Variants in CORO7 observed in about 807,000 individuals in gnomAD.
CORO7 encodes the protein coronin 7, also known as coronin-7.
In CORO7, 107 loss-of-function variants were observed where a neutral mutation model predicts 126.6. The observed-to-expected ratio is 0.85, with a 90% CI of 0.72 to 0.99. The LOEUF (loss-of-function observed/expected upper bound fraction) is 0.99. Among genes scored for constraint, CORO7 ranks in the 50% least tolerant of loss-of-function variants. The pLI is 0.00. For missense variants in CORO7, 1,314 were observed against 1,255.8 expected (o/e 1.05, Z -0.70); for synonymous variants, 603 against 536.8 (o/e 1.12, Z -1.70).
Position 4,364,334 on chromosome 16 carries a change from AG to A in CORO7, c.1216del (p.Leu406SerfsTer9). 1 of 1,536,502 alleles carries A rather than the reference AG, an allele frequency of 6.5e-7. No homozygotes were observed. The highest frequency in any genetic ancestry group is 1.3e-5 in the South Asian group (1 of 78,058). On this transcript the variant is annotated frameshift_variant, in exon 14 of 28. Coordinates refer to ENST00000251166, the MANE Select transcript of CORO7 (RefSeq NM_024535.5). LOFTEE classifies it high-confidence loss of function. ...TSCLVPPAEP[L>X]PDTAQPAVME... Reference sequence around the variant, plus strand: ...CACCGCAGGCTGGGCTGTGTCAGGGAGGGGCTCCGCAGGGGGCACCAGACAG... The same window carrying A: ...CACCGCAGGCTGGGCTGTGTCAGGGAGGGCTCCGCAGGGGGCACCAGACAG...
At chr16:4,405,367 T>A (rs1443154372) in intron 6 of CORO7, 124 bp downstream of exon 6, 1 of 1,076,940 alleles carries the variant, frequency 9.3e-7, no homozygotes, top group Non-Finnish European at 1.3e-6. Context: ...GGCACACAGA[T>A]GACCATCCTG....
intron 1 of CORO7, chr16:4,414,493 C>G (rs190568498): frequency 6.6e-6 from 1 of 152,384 alleles, no homozygotes; most frequent in Non-Finnish European, 1.5e-5. Flanking sequence ...ACCCATAGCA[C>G]CCCGGAAACC....
intron 9 of CORO7, chr16:4,382,089 C>T: frequency 6.3e-7 from 1 of 1,585,272 alleles, no homozygotes; most frequent in Middle Eastern, 1.7e-4. Flanking sequence ...GGCCTGTCCC[C>T]CAGCCCCAGG....
intron 9 of CORO7, among the ~76,000 whole-genome samples, chr16:4,386,284 C>A (rs149148869): frequency 6.6e-6 from 1 of 152,316 alleles, no homozygotes; most frequent in South Asian, 2.1e-4. Context: ...CCAGTGGCAC[C>A]GTGAGGTCTG....
chr16:4,364,377 G>T lies in CORO7; in HGVS notation c.1174C>A (p.His392Asn). Residue 392 changes from histidine (H) to asparagine (N), a missense_variant, in exon 14 of 28, where the codon CAC becomes AAC. Physicochemically the swap from His to Asn is moderately conservative, Grantham distance 68 (BLOSUM62 1). Coordinates refer to ENST00000251166, the MANE Select transcript of CORO7 (RefSeq NM_024535.5). ...ACCAGACAGGAAGTGAAGCTCGGGT[G>T]GGGCCGGCAGGCGGGGTTGAGGCTG... is the stretch of plus-strand genomic sequence containing the variant. The part of the protein sequence containing the change: ...KVSLNPACRP[H>N]PSFTSCLVPP... The T allele has an allele frequency of 6.6e-7, 1 of 1,516,038 alleles. No homozygotes were observed. The highest frequency in any genetic ancestry group is 2.3e-5 in the East Asian group (1 of 43,792). The allele number at this position is 1,516,038 out of a possible 1,614,324, so 93.9% of individuals were successfully genotyped here. A position where few individuals can be genotyped will look rare whatever the true frequency, so the allele number is the denominator to read the frequency against.
rs528458219 is a variant in CORO7, at chr16:4,365,664, C to T, written c.786-119G>A. 835 of 1,350,742 alleles carry T rather than the reference C, an allele frequency of 6.2e-4. 20 individuals are homozygous for T. In the South Asian group the frequency reaches 0.011, roughly 17 times the overall value. The allele number at this position is 1,350,742 out of a possible 1,614,324, so 83.7% of individuals were successfully genotyped here. On this transcript the variant is annotated intron_variant, in intron 9 of 27. Transcript: ENST00000251166. ...ACTGGGAGCCGCTTGGCCATCCAGCCATGTTCAGCCTGGTCCCCAGGAACC... is the reference window on the plus strand; with the variant it reads ...ACTGGGAGCCGCTTGGCCATCCAGCTATGTTCAGCCTGGTCCCCAGGAACC...
chr16:4,411,741 G>A (rs2056218343), intron 3 of CORO7, among the ~76,000 whole-genome samples: 1 of 151,992 alleles, frequency 6.6e-6, no homozygotes, highest in African/African-American at 2.4e-5. Context: ...CAAACAAGCA[G>A]CCAGAAATGC....
rs191166147 is a variant in CORO7 at position 4,377,958 on chromosome 16, C to T, written c.785+10028G>A. Among the ~76,000 whole-genome samples the T allele has an allele frequency of 7.7e-3, 1,169 of 152,290 alleles. 40 individuals are homozygous for T. The highest frequency in any genetic ancestry group is 0.072 in the Admixed American group (1,103 of 15,294). ...ATTCCACAGCTCACTACCTGTCAGC[C>T]GGAAAGCCACCCTGTGGCCAGATGG... On this transcript the variant is annotated intron_variant, in intron 9 of 27. Transcript: ENST00000251166.
chr16:4,410,491 A>G (rs544870859), intron 3 of CORO7, among the ~76,000 whole-genome samples: 14 of 152,308 alleles, frequency 9.2e-5, no homozygotes, highest in Non-Finnish European at 1.9e-4. Flanking sequence ...CTGCCATAAC[A>G]ATGGGTAAGT....
chr16:4,357,133 G>C (rs746319346), intron 26 of CORO7, 35 bp downstream of exon 26: 1 of 1,612,560 alleles, frequency 6.2e-7, no homozygotes, highest in South Asian at 1.1e-5. Flanking sequence ...CCAGGACTCT[G>C]TCACCTCCGC....
At chr16:4,411,079 C>T (rs1355320123) in intron 3 of CORO7, among the ~76,000 whole-genome samples, 3 of 152,136 alleles carry the variant, frequency 2.0e-5, no homozygotes, top group African/African-American at 4.8e-5. Context: ...GCACATGACT[C>T]GGTCACTTTA....
intron 6 of CORO7, among the ~76,000 whole-genome samples, chr16:4,402,143 T>C (rs1342020658): frequency 1.3e-5 from 2 of 152,120 alleles, no homozygotes; most frequent in African/African-American, 4.8e-5. Flanking sequence ...TTCACTATGT[T>C]GGCCAGGCTG....
Position 4,380,368 on chromosome 16 carries a change from C to T in CORO7, c.785+7618G>A, listed in dbSNP as rs560726415. On this transcript the variant is annotated intron_variant, in intron 9 of 27. Transcript: ENST00000251166. The stretch of plus-strand genomic sequence containing the variant: ...CCATAGTTTCCATGTGAAGTCTTCC[C>T]GCTGCATTCCCTCCTCCAAGGAGGG... Among the ~76,000 whole-genome samples the T allele has an allele frequency of 7.2e-5, 11 of 152,338 alleles. No individual in the cohort carries two copies. In the East Asian group the frequency reaches 1.3e-3, roughly 19 times the overall value.
In CORO7 at chr16:4,387,985, C is replaced by T. The variant is rs1409866371; in HGVS notation, c.785+1G>A. On this transcript the variant is annotated splice_donor_variant, in intron 9 of 27. Coordinates refer to ENST00000251166, the MANE Select transcript of CORO7 (RefSeq NM_024535.5). LOFTEE classifies it high-confidence loss of function. ...GCCCACCTGCGTGCCGCAGCTCCTACCCAAGCGAGGTGTCCAAGGTGAGGG... is the reference window on the plus strand; with the variant it reads ...GCCCACCTGCGTGCCGCAGCTCCTATCCAAGCGAGGTGTCCAAGGTGAGGG... 1 of 1,612,960 alleles carries T rather than the reference C, an allele frequency of 6.2e-7. No homozygotes were observed. The highest frequency in any genetic ancestry group is 8.5e-7 in the Non-Finnish European group (1 of 1,179,842).
intron 7 of CORO7, among the ~76,000 whole-genome samples, chr16:4,393,055 G>T (rs772393929): frequency 6.6e-6 from 1 of 152,254 alleles, no homozygotes; most frequent in Non-Finnish European, 1.5e-5. Flanking sequence ...GCTGGAAGAG[G>T]AGGGGAGAGG....
At chr16:4,390,008 T>C (rs1267392694) in intron 7 of CORO7, among the ~76,000 whole-genome samples, 1 of 152,190 alleles carries the variant, frequency 6.6e-6, no homozygotes, top group African/African-American at 2.4e-5. Context: ...TCTCTCGTCA[T>C]ATGGGTATTT....
chr16:4,365,282 A>G (rs1002885605), intron 10 of CORO7, among the ~76,000 whole-genome samples: 2 of 152,192 alleles, frequency 1.3e-5, no homozygotes, highest in African/African-American at 4.8e-5. Flanking sequence ...GGTGTACGTC[A>G]GTATTTATGG....
At chr16:4,403,324 C>T (rs919223679) in intron 6 of CORO7, among the ~76,000 whole-genome samples, 3 of 152,310 alleles carry the variant, frequency 2.0e-5, no homozygotes, top group African/African-American at 7.2e-5. Flanking sequence ...CCCACCAGGA[C>T]CCCGATGTAC....
Position 4,388,571 on chromosome 16 carries a change from G to C in CORO7, c.676C>G (p.His226Asp). The C allele has an allele frequency of 6.2e-7, 1 of 1,613,014 alleles. No individual in the cohort carries two copies. The highest frequency in any genetic ancestry group is 8.5e-7 in the Non-Finnish European group (1 of 1,179,828). The change falls in exon 8 of 28, where the codon CAC becomes GAC. Residue 226 changes from histidine (H) to aspartate (D), a missense_variant. Transcript: ENST00000251166. The stretch of plus-strand genomic sequence containing the variant: ...TGGTTGAATCCAGTAGACACAAGGT[G>C]CTCCCAGGTGCCCATCCATGCCAGC... The part of the protein sequence containing the change: ...SRLAWMGTWE[H>D]LVSTGFNQMR...
Sources: allele counts gnomAD v4.1 joint callset (sites outside exome capture counted in the v4.1 genomes callset), GRCh38; gene constraint gnomAD v4.1.1; transcripts MANE v1.5; gene names NCBI Gene and HGNC (gene_info 2026-07-23, HGNC 2026-07-21).